Variants in LTBP1 observed in about 807,000 individuals in gnomAD.
The protein encoded by LTBP1 is latent transforming growth factor beta binding protein 1.
In LTBP1, 129 loss-of-function variants were observed where a neutral mutation model predicts 207.6. The ratio of observed to expected loss-of-function variants is 0.62; its 90% CI spans 0.54 to 0.72. The LOEUF (loss-of-function observed/expected upper bound fraction) is 0.72. Among genes scored for constraint, LTBP1 ranks in the 30% least tolerant of loss-of-function variants. The pLI is 0.00. For synonymous variants in LTBP1, 963 were observed against 833.7 expected (o/e 1.16, Z -2.67); for missense variants, 2,281 against 2,217.2 (o/e 1.03, Z -0.58).
intron 5 of LTBP1, among the ~76,000 whole-genome samples, chr2:33,147,545 A>C (rs569496368): frequency 1.9e-4 from 29 of 152,336 alleles, no homozygotes; most frequent in African/African-American, 7.0e-4. Flanking sequence ...GCCTGATACT[A>C]TATTAGGAAA....
chr2:33,374,472 C>A (rs1195961051), intron 31 of LTBP1, among the ~76,000 whole-genome samples: 3 of 152,154 alleles, frequency 2.0e-5, no homozygotes, highest in African/African-American at 7.2e-5. Context: ...TAGTCACTTA[C>A]AATGGAAAAT....
At chr2:33,008,002 C>T (rs962831002) in intron 2 of LTBP1, among the ~76,000 whole-genome samples, 24 of 152,208 alleles carry the variant, frequency 1.6e-4, no homozygotes, top group African/African-American at 5.8e-4. Context: ...ATATGACACT[C>T]GCTAATCAAA....
chr2:33,347,612 C>T, intron 26 of LTBP1, 102 bp downstream of exon 26: 1 of 1,389,404 alleles, frequency 7.2e-7, no homozygotes, highest in Non-Finnish European at 1.0e-6. Context: ...AAGAAGCAGC[C>T]AGATGTCCTG....
intron 2 of LTBP1, among the ~76,000 whole-genome samples, chr2:32,964,411 G>A (rs561674973): frequency 6.6e-6 from 1 of 152,246 alleles, no homozygotes; most frequent in South Asian, 2.1e-4. Flanking sequence ...TCACTTGAAT[G>A]TTGTATAAAA....
chr2:33,075,687 C>G (rs1252036538), intron 3 of LTBP1, among the ~76,000 whole-genome samples: 2 of 152,182 alleles, frequency 1.3e-5, no homozygotes, highest in Non-Finnish European at 2.9e-5. Flanking sequence ...CTGCCTGTTA[C>G]CAATTTACCT....
At chr2:33,341,729 AATAT>A (rs56171359) in intron 24 of LTBP1, among the ~76,000 whole-genome samples, 3 of 93,620 alleles carry the variant, frequency 3.2e-5, no homozygotes, top group African/African-American at 1.0e-4. Context: ...AAAAAAAAAA[AATAT>A]ATATATATAT....
intron 2 of LTBP1, among the ~76,000 whole-genome samples, chr2:32,978,245 G>C (rs1257064579): frequency 1.3e-5 from 2 of 152,066 alleles, no homozygotes; most frequent in Non-Finnish European, 2.9e-5. Flanking sequence ...AGAACTCCCA[G>C]TACTATGTTA....
chr2:33,032,532 C>A (rs2075738262), intron 3 of LTBP1, among the ~76,000 whole-genome samples: 1 of 152,114 alleles, frequency 6.6e-6, no homozygotes, highest in African/African-American at 2.4e-5. Context: ...TCTTGATTAT[C>A]CTGTATTGGT....
chr2:33,224,092 T>G (rs182162822), intron 9 of LTBP1, among the ~76,000 whole-genome samples: 380 of 152,326 alleles, frequency 2.5e-3, no homozygotes, highest in Non-Finnish European at 3.7e-3. Context: ...AATGTGCCTA[T>G]GGGCCATCTA....
At chr2:33,198,265 A>G (rs2088805753) in intron 7 of LTBP1, among the ~76,000 whole-genome samples, 1 of 152,146 alleles carries the variant, frequency 6.6e-6, no homozygotes, top group South Asian at 2.1e-4. Flanking sequence ...ATCATGGTGG[A>G]TAAGCTTTTT....
intron 3 of LTBP1, among the ~76,000 whole-genome samples, chr2:33,055,235 T>C (rs918546838): frequency 3.9e-5 from 6 of 152,202 alleles, no homozygotes; most frequent in African/African-American, 1.2e-4. Flanking sequence ...CTGTGGCTGA[T>C]TGGGTATTAA....
intron 15 of LTBP1, among the ~76,000 whole-genome samples, chr2:33,272,116 A>G (rs2093334595): frequency 6.6e-6 from 1 of 152,236 alleles, no homozygotes; most frequent in African/African-American, 2.4e-5. Flanking sequence ...GACTTGCATG[A>G]GTAGTCTCAA....
chr2:33,034,433 G>A (rs2075823055), intron 3 of LTBP1, among the ~76,000 whole-genome samples: 1 of 152,106 alleles, frequency 6.6e-6, no homozygotes, highest in Admixed American at 6.5e-5. Flanking sequence ...TAGTGTGAAT[G>A]TATATCAACT....
chr2:33,259,632 A>G, intron 13 of LTBP1, 22 bp downstream of exon 13: 1 of 1,593,158 alleles, frequency 6.3e-7, no homozygotes, highest in Non-Finnish European at 8.5e-7. Flanking sequence ...ATTGCTTGCA[A>G]GTCTTTTTTT....
chr2:33,096,814 G>C (rs218210), intron 3 of LTBP1, among the ~76,000 whole-genome samples: 94,187 of 152,060 alleles, frequency 0.62, 30,246 homozygotes, highest in East Asian at 0.98. Flanking sequence ...AGAAGGCTGA[G>C]GCAGGAGGAT....
chr2:33,347,674 G>A (rs1205935091), intron 26 of LTBP1, among the ~76,000 whole-genome samples, 164 bp downstream of exon 26: 1 of 152,226 alleles, frequency 6.6e-6, no homozygotes, highest in South Asian at 2.1e-4. Context: ...TGCCTTGTCA[G>A]TGGAATTAAG....
In LTBP1 at chr2:32,947,633, G is replaced by T; in HGVS notation, c.309G>T (p.Pro103=). 7.4e-7 allele frequency: 1 copy of T among 1,342,690 alleles called. No individual in the cohort carries two copies. The highest frequency in any genetic ancestry group is 9.5e-7 in the Non-Finnish European group (1 of 1,051,418). The allele number at this position is 1,342,690 out of a possible 1,614,324, so 83.2% of individuals were successfully genotyped here. ...AALQGLRPPP[P]PPPEPARPAV... ...TGCAGGGGCTCAGACCGCCGCCGCCGCCGCCGCCGGAGCCTGCGCGTCCCG... is the reference window on the plus strand; with the variant it reads ...TGCAGGGGCTCAGACCGCCGCCGCCTCCGCCGCCGGAGCCTGCGCGTCCCG... Residue 103 remains proline, a synonymous_variant, in exon 1 of 34, where the codon CCG becomes CCT. Transcript: ENST00000404816.
rs1265295397 is a variant in LTBP1 at position 33,399,346 on chromosome 2, C to T, written c.*801C>T. 6.6e-6 allele frequency: 1 copy of T among 152,128 alleles called. No homozygotes were observed. The highest frequency in any genetic ancestry group is 1.5e-5 in the Non-Finnish European group (1 of 68,010). The allele number at this position is 152,128 out of a possible 1,614,324, so 9.4% of individuals were successfully genotyped here. On this transcript the variant is annotated 3_prime_UTR_variant, in exon 34 of 34. Coordinates refer to ENST00000404816, the MANE Select transcript of LTBP1 (RefSeq NM_206943.4). ...CTACCATTGTATGTTAAATAAATCA[C>T]CATTTTTGTAGAAAAAATTCTACCT... is the stretch of plus-strand genomic sequence containing the variant.
chr2:33,009,962 T>C (rs436883), intron 2 of LTBP1, among the ~76,000 whole-genome samples: 47,593 of 151,824 alleles, frequency 0.31, 8,270 homozygotes, highest in Non-Finnish European at 0.39. Context: ...AATTAGATCT[T>C]CAGGAGAAGG....
Sources: allele counts gnomAD v4.1 joint callset (sites outside exome capture counted in the v4.1 genomes callset), GRCh38; gene constraint gnomAD v4.1.1; transcripts MANE v1.5; gene names NCBI Gene and HGNC (gene_info 2026-07-23, HGNC 2026-07-21).